DDC: variants seen among roughly 807,000 people sequenced by gnomAD.
DDC encodes the protein aromatic-L-amino-acid decarboxylase.
A neutral mutation model predicts 60.0 loss-of-function variants in DDC; 43 were observed. That is an observed-to-expected ratio of 0.72 (90% CI 0.56 to 0.92). DDC has a LOEUF of 0.92. DDC is among the 40% of genes least tolerant of loss of function. The pLI is 0.00. For synonymous variants in DDC, 232 were observed against 234.6 expected, an observed-to-expected ratio of 0.99 and a Z score of 0.10; for missense variants, 573 against 620.2, an observed-to-expected ratio of 0.92 and a Z score of 0.81.
At chr7:50,468,228 C>T (rs2042443739) in intron 12 of DDC, among the ~76,000 whole-genome samples, 1 of 152,254 alleles carries the variant, frequency 6.6e-6, no homozygotes, top group Admixed American at 6.5e-5. Flanking sequence ...ACCTCGGCCT[C>T]ATGGGCGATC....
At chr7:50,490,209 A>T (rs2042970151) in intron 9 of DDC, among the ~76,000 whole-genome samples, 1 of 152,176 alleles carries the variant, frequency 6.6e-6, no homozygotes, top group African/African-American at 2.4e-5. Context: ...CTGGCCCCAT[A>T]CCTTGTCCTT....
intron 6 of DDC, among the ~76,000 whole-genome samples, chr7:50,516,588 C>G (rs2043737958): frequency 6.7e-6 from 1 of 150,046 alleles, no homozygotes; most frequent in Non-Finnish European, 1.5e-5. Context: ...CAGAGCAGAA[C>G]TAAATGAAAT....
At chr7:50,493,576 A>G (rs1371851604) in intron 9 of DDC, among the ~76,000 whole-genome samples, 1 of 152,218 alleles carries the variant, frequency 6.6e-6, no homozygotes, top group East Asian at 1.9e-4. Context: ...ACACGGTGCA[A>G]ACTGTCCTCA....
chr7:50,499,166 G>C lies in DDC; in HGVS notation c.858C>G (p.His286Gln). Residue 286 changes from histidine (H) to glutamine (Q), a missense_variant, in exon 8 of 15, where the codon CAC becomes CAG. His to Gln is a conservative substitution (Grantham distance 24). Coordinates refer to ENST00000444124, the MANE Select transcript of DDC (RefSeq NM_001082971.2). ...GSAFICPEFR[H>Q]LLNGVEFADS... ...CACCTACCTCCACTCCATTCAGAAG[G>C]TGCCGGAACTCAGGGCAGATGAATG... 6.2e-7 allele frequency: 1 copy of C among 1,613,842 alleles called. No homozygotes were observed. The highest frequency in any genetic ancestry group is 8.5e-7 in the Non-Finnish European group (1 of 1,179,806).
At chr7:50,481,596 C>A (rs1012590567) in intron 9 of DDC, among the ~76,000 whole-genome samples, 6 of 152,086 alleles carry the variant, frequency 3.9e-5, no homozygotes, top group African/African-American at 1.4e-4. Context: ...GAATAAATCA[C>A]CACCCCCTGC....
chr7:50,532,905 C>G (rs1344657971), intron 4 of DDC, among the ~76,000 whole-genome samples: 2 of 152,124 alleles, frequency 1.3e-5, no homozygotes, highest in African/African-American at 2.4e-5. Flanking sequence ...ATGAATACAG[C>G]CAGGAGAGTC....
At chr7:50,529,441 T>C in intron 4 of DDC, 99 bp from the exon 5 acceptor site, 4 of 1,464,376 alleles carry the variant, frequency 2.7e-6, no homozygotes, top group Non-Finnish European at 3.8e-6. Flanking sequence ...ATAGTTTTCT[T>C]AAAATATGAG....
chr7:50,542,042 C>T (rs761917423), intron 2 of DDC, among the ~76,000 whole-genome samples: 14 of 152,032 alleles, frequency 9.2e-5, no homozygotes, highest in East Asian at 7.7e-4. Flanking sequence ...GCTGAGAGGC[C>T]GAGAGGAGCT....
At chr7:50,559,792 C>T (rs561870483) in intron 1 of DDC, among the ~76,000 whole-genome samples, 3 of 152,342 alleles carry the variant, frequency 2.0e-5, no homozygotes, top group African/African-American at 7.2e-5. Context: ...CTAAACTTAA[C>T]TGCTGACTCA....
At chr7:50,482,744 G>C (rs1468131589) in intron 9 of DDC, among the ~76,000 whole-genome samples, 1 of 152,054 alleles carries the variant, frequency 6.6e-6, no homozygotes. Flanking sequence ...ATATAAATCT[G>C]AACAGGTTTG....
At position 50,528,285 on chromosome 7, in the gene DDC, A is replaced by G. The variant is rs1585235976; in HGVS notation, c.571-5T>C. The G allele has an allele frequency of 1.2e-6, 2 of 1,614,038 alleles. No homozygotes were observed. Among genetic ancestry groups the G allele is most frequent in the Non-Finnish European group, 1.7e-6 (2 of 1,179,950 alleles). On this transcript the variant is annotated splice_region_variant and splice_polypyrimidine_tract_variant and intron_variant, in intron 5 of 14. Transcript: ENST00000444124. Reference sequence around the variant, plus strand: ...TCTTTCCACTGAGGAGTGTGCCTGGAAAGAAGACAGCAGAGTTGGATTTGT... The same window carrying G: ...TCTTTCCACTGAGGAGTGTGCCTGGGAAGAAGACAGCAGAGTTGGATTTGT...
chr7:50,563,978 C>T (rs1327825773), intron 1 of DDC: 1 of 152,204 alleles, frequency 6.6e-6, no homozygotes, highest in African/African-American at 2.4e-5. Context: ...AAACTCCGCT[C>T]TTCTTCCACA....
chr7:50,513,143 C>G (rs978310198), intron 6 of DDC, among the ~76,000 whole-genome samples: 6 of 152,172 alleles, frequency 3.9e-5, no homozygotes, highest in East Asian at 1.9e-4. Flanking sequence ...AGGAGGCACC[C>G]TAAGTACTGT....
Position 50,537,985 on chromosome 7 carries a change from G to A in DDC, c.316-6C>T, listed in dbSNP as rs377474761. ...GTGCATGCTGGGCTTGCCGCCTGTC[G>A]TGGGGGAAGGGAAGGGATTAACCGA... On this transcript the variant is annotated splice_polypyrimidine_tract_variant and splice_region_variant and intron_variant, in intron 3 of 14. Coordinates refer to ENST00000444124, the MANE Select transcript of DDC (RefSeq NM_001082971.2). 138 of 1,614,042 alleles carry A rather than the reference G, an allele frequency of 8.5e-5. 1 individual carries two copies. Among genetic ancestry groups the A allele is most frequent in the Non-Finnish European group, 9.1e-5 (107 of 1,180,036 alleles).
chr7:50,462,491 C>T (rs1273688810), intron 14 of DDC, among the ~76,000 whole-genome samples: 2 of 152,136 alleles, frequency 1.3e-5, no homozygotes, highest in Non-Finnish European at 2.9e-5. Flanking sequence ...GTAGTCGAAA[C>T]ATATCCTTTC....
At chr7:50,533,558 G>A (rs1212250124) in intron 4 of DDC, among the ~76,000 whole-genome samples, 1 of 152,164 alleles carries the variant, frequency 6.6e-6, no homozygotes, top group Non-Finnish European at 1.5e-5. Context: ...GCCTCCCAAA[G>A]TGTTGGGATT....
At chr7:50,462,492 A>G (rs2042300511) in intron 14 of DDC, among the ~76,000 whole-genome samples, 1 of 152,200 alleles carries the variant, frequency 6.6e-6, no homozygotes, top group East Asian at 1.9e-4. Context: ...TAGTCGAAAC[A>G]TATCCTTTCT....
At chr7:50,461,061 A>G (rs1022678386) in intron 14 of DDC, among the ~76,000 whole-genome samples, 1 of 151,704 alleles carries the variant, frequency 6.6e-6, no homozygotes, top group Non-Finnish European at 1.5e-5. Flanking sequence ...AAAAAAATAA[A>G]TAAATAAATA....
In DDC at chr7:50,543,966, C is replaced by T. The variant is rs373640169; in HGVS notation, c.120G>A (p.Pro40=). ...CCTGAGGGGCAGCGGCAGGGATCAG[C>T]GGCCGCAGGTACCCGGGCTCCACGT... ...YPDVEPGYLR[P]LIPAAAPQEP... Residue 40 remains proline, a synonymous_variant, in exon 2 of 15, where the codon CCG becomes CCA. Transcript: ENST00000444124. The T allele has an allele frequency of 2.7e-5, 43 of 1,614,030 alleles. No homozygotes were observed. The highest frequency in any genetic ancestry group is 1.5e-4 in the African/African-American group (11 of 74,890).
Sources: allele counts gnomAD v4.1 joint callset (sites outside exome capture counted in the v4.1 genomes callset), GRCh38; gene constraint gnomAD v4.1.1; transcripts MANE v1.5; gene names NCBI Gene and HGNC (gene_info 2026-07-23, HGNC 2026-07-21).